Variants in CLSTN3 observed in about 807,000 individuals in gnomAD.
CLSTN3 encodes the protein calsyntenin 3.
In CLSTN3, 36 loss-of-function variants were observed where a neutral mutation model predicts 95.9. The observed-to-expected ratio is 0.38, with a 90% CI of 0.29 to 0.50. CLSTN3 has a LOEUF of 0.50. Ranked by LOEUF, CLSTN3 falls within the 20% of genes least tolerant of loss-of-function variation. CLSTN3 has a pLI of 0.95. For missense variants in CLSTN3, 1,084 were observed against 1,268.8 expected, an observed-to-expected ratio of 0.85 and a Z score of 2.21; for synonymous variants, 481 against 504.0, an observed-to-expected ratio of 0.95 and a Z score of 0.61.
chr12:7,136,097 T>C, intron 5 of CLSTN3, 109 bp from the exon 6 acceptor site: 1 of 1,502,048 alleles, frequency 6.7e-7, no homozygotes, highest in South Asian at 1.3e-5. Context: ...AGCCGGGCCA[T>C]CCTGCCAGGA....
Position 7,133,933 on chromosome 12 carries a change from T to C in CLSTN3, c.383+165T>C. On this transcript the variant is annotated intron_variant, in intron 3 of 17. Coordinates refer to ENST00000266546, the MANE Select transcript of CLSTN3 (RefSeq NM_014718.4). This position sits in a 1 kb window ranked among gnomAD's most constrained non-coding sequence, Gnocchi z 4.7. ...CTGCTGTTCCTAGGATTTAGGGACT[T>C]TCAGGCAAGGTGACAGAAACGTATA... The C allele has an allele frequency of 1.7e-6, 1 of 597,048 alleles. No homozygotes were observed. Among genetic ancestry groups the C allele is most frequent in the Non-Finnish European group, 2.9e-6 (1 of 348,682 alleles). 37.0% of individuals were successfully genotyped at this position (597,048 alleles called of 1,614,324 possible). A position where few individuals can be genotyped will look rare whatever the true frequency, so the allele number is the denominator to read the frequency against.
chr12:7,157,382 C>A lies in CLSTN3; in HGVS notation c.2528-107C>A. On this transcript the variant is annotated intron_variant, in intron 16 of 17. Transcript: ENST00000266546. The surrounding 1 kb of genome is among the most constrained non-coding windows in gnomAD (Gnocchi z 5.9). The stretch of plus-strand genomic sequence containing the variant: ...CTTCTCGGCCACCGTGTGTTCTGCC[C>A]TGGGAGTCCTTCAGCCCGGGCTGCC... 1.0e-6 allele frequency: 1 copy of A among 962,308 alleles called. No homozygotes were observed. Among genetic ancestry groups the A allele is most frequent in the Non-Finnish European group, 1.5e-6 (1 of 663,944 alleles). The allele number at this position is 962,308 out of a possible 1,614,324, so 59.6% of individuals were successfully genotyped here. A position where few individuals can be genotyped will look rare whatever the true frequency, so the allele number is the denominator to read the frequency against.
rs1424211392 is a variant in CLSTN3, at chr12:7,141,424, C to T, written c.1486+20C>T. 6.2e-7 allele frequency: 1 copy of T among 1,613,916 alleles called. No homozygotes were observed. The highest frequency in any genetic ancestry group is 1.3e-5 in the African/African-American group (1 of 75,022). On this transcript the variant is annotated intron_variant, in intron 9 of 17. Transcript: ENST00000266546. This position sits in a 1 kb window ranked among gnomAD's most constrained non-coding sequence, Gnocchi z 4.1. ...GGACTGGTAAGCTTCTCAGTGAAGA[C>T]TCCAGTGGTTCAGGATTTGGGAAGG...
chr12:7,131,825 T>G, intron 1 of CLSTN3: 1 of 456,392 alleles, frequency 2.2e-6, no homozygotes, highest in African/African-American at 2.0e-5. Context: ...AGGAAGGGGT[T>G]ATGGTGGTCA....
intron 16 of CLSTN3, 57 bp downstream of exon 16, chr12:7,151,120 G>A (rs535763423): frequency 4.1e-6 from 6 of 1,478,086 alleles, no homozygotes; most frequent in East Asian, 4.9e-5. Context: ...GAGTGTGTTG[G>A]GACAGGTATC....
At chr12:7,148,178 A>AAG (rs1555169004) in intron 12 of CLSTN3, among the ~76,000 whole-genome samples, 1 of 118,788 alleles carries the variant, frequency 8.4e-6, no homozygotes, top group Non-Finnish European at 1.8e-5. Flanking sequence ...GAAAGAAAGA[A>AAG]AGAAAGAAAG....
chr12:7,156,880 C>T (rs1422855684), intron 16 of CLSTN3: 3 of 454,460 alleles, frequency 6.6e-6, no homozygotes, highest in Non-Finnish European at 1.3e-5. Context: ...CGTCCCGGAG[C>T]CCCAAGCCCA....
chr12:7,141,283 G>T lies in CLSTN3; in HGVS notation c.1365G>T (p.Glu455Asp). The change falls in exon 9 of 18, where the codon GAG becomes GAT. Residue 455 changes from glutamate to aspartate, a missense_variant. Transcript: ENST00000266546. This position sits in a 1 kb window ranked among gnomAD's most constrained non-coding sequence, Gnocchi z 4.1. Reference sequence around the variant, plus strand: ...GGCACCACTACGCTCTGAACCTCGAGTTCCCCACAGTCACACTCTATACCG... The same window carrying T: ...GGCACCACTACGCTCTGAACCTCGATTTCCCCACAGTCACACTCTATACCG... ...DEWHHYALNLEFPTVTLYTDG... is the reference protein window; with the variant it reads ...DEWHHYALNLDFPTVTLYTDG... The T allele has an allele frequency of 6.2e-7, 1 of 1,614,156 alleles. No individual in the cohort carries two copies. The highest frequency in any genetic ancestry group is 2.2e-5 in the East Asian group (1 of 44,876).
chr12:7,133,796 T>C lies in CLSTN3; in HGVS notation c.383+28T>C. 3 of 1,524,290 alleles carry C rather than the reference T, an allele frequency of 2.0e-6. No individual in the cohort carries two copies. The highest frequency in any genetic ancestry group is 2.6e-6 in the Non-Finnish European group (3 of 1,134,270). The allele number at this position is 1,524,290 out of a possible 1,614,324, so 94.4% of individuals were successfully genotyped here. A position where few individuals can be genotyped will look rare whatever the true frequency, so the allele number is the denominator to read the frequency against. ...GAGGAAGTCCTTGTCTCCTGCCCCA[T>C]GTGTTGCAGGGTCCTCCTCCCTGCT... On this transcript the variant is annotated intron_variant, in intron 3 of 17. Coordinates refer to ENST00000266546, the MANE Select transcript of CLSTN3 (RefSeq NM_014718.4). This position sits in a 1 kb window ranked among gnomAD's most constrained non-coding sequence, Gnocchi z 4.7.
At chr12:7,148,014 G>A (rs537706891) in intron 12 of CLSTN3, among the ~76,000 whole-genome samples, 10 of 152,038 alleles carry the variant, frequency 6.6e-5, no homozygotes, top group Non-Finnish European at 7.4e-5. Flanking sequence ...AATTAGCCGG[G>A]TGTGGTGGCA....
At position 7,130,538 on chromosome 12, in the gene CLSTN3, T is replaced by C; in HGVS notation, c.-111T>C. The C allele has an allele frequency of 7.1e-6, 11 of 1,544,488 alleles. No homozygotes were observed. The highest frequency in any genetic ancestry group is 1.4e-5 in the African/African-American group (1 of 73,018). On this transcript the variant is annotated 5_prime_UTR_variant, in exon 1 of 18. Coordinates refer to ENST00000266546, the MANE Select transcript of CLSTN3 (RefSeq NM_014718.4). Reference sequence around the variant, plus strand: ...AGGCTCCTTTCCGTCCCTGCCCTGCTGTACCCCGCTCCTTGGAGACCCCCT... The same window carrying C: ...AGGCTCCTTTCCGTCCCTGCCCTGCCGTACCCCGCTCCTTGGAGACCCCCT...
chr12:7,132,349 C>A, intron 1 of CLSTN3: 1 of 219,818 alleles, frequency 4.5e-6, no homozygotes, highest in South Asian at 6.3e-5. Context: ...GCCCGATAAT[C>A]CCTTAGGATG....
At position 7,141,760 on chromosome 12, in the gene CLSTN3, C is replaced by T. The variant is rs953896701; in HGVS notation, c.1487-326C>T. 3.9e-5 allele frequency among the ~76,000 whole-genome samples: 6 copies of T among 152,324 alleles called. No homozygotes were observed. The South Asian group carries it at 1.2e-3, about 32-fold the overall frequency. On this transcript the variant is annotated intron_variant, in intron 9 of 17. Transcript: ENST00000266546. The surrounding 1 kb of genome is among the most constrained non-coding windows in gnomAD (Gnocchi z 4.1). ...CCTTAGAGTGTCCTCGGTCTTCCAACTTTTAAGCCATTGAAAAAATTTTTC... is the reference window on the plus strand; with the variant it reads ...CCTTAGAGTGTCCTCGGTCTTCCAATTTTTAAGCCATTGAAAAAATTTTTC...
Position 7,150,729 on chromosome 12 carries a change from C to T in CLSTN3, c.2391+40C>T, listed in dbSNP as rs754704750. ...TCCTTCCTTCCACAGTTACCCACCC[C>T]CAGAAAGGAGCTGAGGTGGCATGGA... On this transcript the variant is annotated intron_variant, in intron 15 of 17. Transcript: ENST00000266546. The surrounding 1 kb of genome is among the most constrained non-coding windows in gnomAD (Gnocchi z 4.0). 6.2e-7 allele frequency: 1 copy of T among 1,602,294 alleles called. No homozygotes were observed. Among genetic ancestry groups the T allele is most frequent in the Non-Finnish European group, 8.5e-7 (1 of 1,170,438 alleles).
rs1365169174 is a variant in CLSTN3 at position 7,130,541 on chromosome 12, A to G, written c.-108A>G. 8 of 1,544,918 alleles carry G rather than the reference A, an allele frequency of 5.2e-6. No homozygotes were observed. The highest frequency in any genetic ancestry group is 7.0e-6 in the Non-Finnish European group (8 of 1,146,608). On this transcript the variant is annotated 5_prime_UTR_variant, in exon 1 of 18. Coordinates refer to ENST00000266546, the MANE Select transcript of CLSTN3 (RefSeq NM_014718.4). The stretch of plus-strand genomic sequence containing the variant: ...CTCCTTTCCGTCCCTGCCCTGCTGT[A>G]CCCCGCTCCTTGGAGACCCCCTGTA...
chr12:7,137,874 A>G lies in CLSTN3; in HGVS notation c.1211-81A>G. 9.9e-7 allele frequency: 1 copy of G among 1,013,616 alleles called. No homozygotes were observed. Among genetic ancestry groups the G allele is most frequent in the Non-Finnish European group, 1.5e-6 (1 of 653,498 alleles). The allele number at this position is 1,013,616 out of a possible 1,614,324, so 62.8% of individuals were successfully genotyped here. A position where few individuals can be genotyped will look rare whatever the true frequency, so the allele number is the denominator to read the frequency against. On this transcript the variant is annotated intron_variant, in intron 7 of 17. Transcript: ENST00000266546. The surrounding 1 kb of genome is among the most constrained non-coding windows in gnomAD (Gnocchi z 4.4). ...AATGAGAGAGGATTAAGAGAATCCA[A>G]CATCCTCTCCTTCCTGCTGCTTTGA...
At chr12:7,131,425 T>C in intron 1 of CLSTN3, 2 of 229,052 alleles carry the variant, frequency 8.7e-6, no homozygotes, top group Non-Finnish European at 1.8e-5. Context: ...TAAATGAGTA[T>C]GAGAGGGAAA....
In CLSTN3 at chr12:7,133,265, G is replaced by T. The variant is rs1000670307; in HGVS notation, c.187+119G>T. On this transcript the variant is annotated intron_variant, in intron 2 of 17. Transcript: ENST00000266546. This position sits in a 1 kb window ranked among gnomAD's most constrained non-coding sequence, Gnocchi z 4.7. ...GATGAGAAAGTAAGGGAAGATAAAAGTGGGCTCAAGGAGGGGAATGGTCTC... is the reference window on the plus strand; with the variant it reads ...GATGAGAAAGTAAGGGAAGATAAAATTGGGCTCAAGGAGGGGAATGGTCTC... The T allele has an allele frequency of 7.4e-7, 1 of 1,351,508 alleles. No homozygotes were observed. The highest frequency in any genetic ancestry group is 1.4e-5 in the African/African-American group (1 of 69,572). 83.7% of individuals were successfully genotyped at this position (1,351,508 alleles called of 1,614,324 possible).
Position 7,157,736 on chromosome 12 carries a change from G to A in CLSTN3, c.2730+45G>A. 1 of 1,540,674 alleles carries A rather than the reference G, an allele frequency of 6.5e-7. No individual in the cohort carries two copies. The highest frequency in any genetic ancestry group is 8.8e-7 in the Non-Finnish European group (1 of 1,139,616). The stretch of plus-strand genomic sequence containing the variant: ...GGGGTTCTGTAGGGTCAAGACTGTG[G>A]AGCACACACGGTGAGGACTCCTGAG... On this transcript the variant is annotated intron_variant, in intron 17 of 17. Transcript: ENST00000266546. This position sits in a 1 kb window ranked among gnomAD's most constrained non-coding sequence, Gnocchi z 5.9.
Sources: gnomAD v4.1 joint callset for allele counts (sites outside exome capture counted in the v4.1 genomes callset) on GRCh38, gnomAD v4.1.1 for gene constraint, Gnocchi (gnomAD v3.1) non-coding constraint, MANE v1.5 for transcripts, NCBI Gene and HGNC (gene_info 2026-07-23, HGNC 2026-07-21) for gene names.